SEMA6D: variants seen among roughly 807,000 people sequenced by gnomAD.
The protein encoded by SEMA6D is semaphorin 6D, also known as semaphorin-6D.
A neutral mutation model predicts 106.6 loss-of-function variants in SEMA6D; 35 were observed. The observed-to-expected ratio is 0.33, with a 90% CI of 0.25 to 0.44. The LOEUF is 0.44. SEMA6D is among the 20% of genes least tolerant of loss of function. The probability of loss-of-function intolerance (pLI) is 1.00; values close to 1 mark genes in which losing one functional copy is unlikely to be tolerated. For synonymous variants in SEMA6D, 499 were observed against 487.7 expected (o/e 1.02, Z -0.31); for missense variants, 1,185 against 1,345.9 (o/e 0.88, Z 1.87).
In SEMA6D at chr15:47,765,857, C is replaced by T; in HGVS notation, c.1428-12C>T. The T allele has an allele frequency of 6.7e-7, 1 of 1,484,486 alleles. No homozygotes were observed. Among genetic ancestry groups the T allele is most frequent in the South Asian group, 1.5e-5 (1 of 65,814 alleles). 92.0% of individuals were successfully genotyped at this position (1,484,486 alleles called of 1,614,324 possible). A position where few individuals can be genotyped will look rare whatever the true frequency, so the allele number is the denominator to read the frequency against. On this transcript the variant is annotated splice_polypyrimidine_tract_variant and intron_variant, in intron 13 of 18. Coordinates refer to ENST00000536845, the MANE Select transcript of SEMA6D (RefSeq NM_001358351.3). ...CTAAACATATGGCTTCAAAATGTAT[C>T]CCACAAAATAGGTGCAGTGCTGAGA...
intron 1 of SEMA6D, chr15:47,730,725 A>G: frequency 6.2e-7 from 1 of 1,604,926 alleles, no homozygotes; most frequent in Non-Finnish European, 8.5e-7. Flanking sequence ...TCAGCCGCTT[A>G]TAGAGTATAG....
At chr15:47,471,036 T>C (rs1418570417) in intron 3 of SEMA6D, among the ~76,000 whole-genome samples, 1 of 152,134 alleles carries the variant, frequency 6.6e-6, no homozygotes, top group Non-Finnish European at 1.5e-5. Flanking sequence ...TGCCTATAGA[T>C]GGAAATACTC....
intron 1 of SEMA6D, chr15:47,396,459 A>G (rs2040217468): frequency 6.5e-6 from 1 of 152,994 alleles, no homozygotes; most frequent in Admixed American, 6.5e-5. Flanking sequence ...TACAGCCTTC[A>G]GTCTGTGGCT....
rs150609422 is a variant in SEMA6D at position 47,297,727 on chromosome 15, T to G, written c.-239+113309T>G. ...AACACTCTAAGGCTGACTAAAATAC[T>G]GATGAGGTAGAGTTACTAAGAGTGT... On this transcript the variant is annotated intron_variant, in intron 1 of 19. Transcript: ENST00000558014. Among the ~76,000 whole-genome samples, 801 of 152,210 alleles carry G rather than the reference T, an allele frequency of 5.3e-3. 11 individuals are homozygous for G. The highest frequency in any genetic ancestry group is 0.018 in the African/African-American group (767 of 41,522).
At chr15:47,246,560 C>G (rs143836918) in intron 1 of SEMA6D, among the ~76,000 whole-genome samples, 1 of 152,178 alleles carries the variant, frequency 6.6e-6, no homozygotes, top group Non-Finnish European at 1.5e-5. Flanking sequence ...AAACTACTTA[C>G]ATTCCTTGAC....
intron 1 of SEMA6D, among the ~76,000 whole-genome samples, chr15:47,231,310 A>AACCAGCTTTTCATG (rs1339399573): frequency 6.6e-6 from 1 of 151,920 alleles, no homozygotes; most frequent in African/African-American, 2.4e-5. Flanking sequence ...AGCACACCAA[A>AACCAGCTTTTCATG]ACCAGCTTTT....
chr15:47,624,196 C>G (rs1308145969), intron 4 of SEMA6D, among the ~76,000 whole-genome samples: 2 of 152,200 alleles, frequency 1.3e-5, no homozygotes, highest in African/African-American at 4.8e-5. Flanking sequence ...TCCTTCATAT[C>G]TCACTCAGCA....
At chr15:47,759,932 C>CT in intron 2 of SEMA6D, 25 bp downstream of exon 2, 1 of 1,500,390 alleles carries the variant, frequency 6.7e-7, no homozygotes, top group Non-Finnish European at 9.3e-7. Flanking sequence ...GAACAGTCTT[C>CT]TATTCTGAGA....
At chr15:47,391,645 A>C (rs1371383812) in intron 1 of SEMA6D, among the ~76,000 whole-genome samples, 4 of 145,634 alleles carry the variant, frequency 2.7e-5, no homozygotes, top group Admixed American at 7.0e-5. Flanking sequence ...ATTTAGGGAC[A>C]GAAACAACTA....
intron 3 of SEMA6D, among the ~76,000 whole-genome samples, chr15:47,533,968 T>A (rs2045065944): frequency 6.6e-6 from 1 of 152,238 alleles, no homozygotes; most frequent in Admixed American, 6.5e-5. Context: ...TGTAAAATGT[T>A]ACTGATACAT....
chr15:47,207,561 C>G (rs566781170), intron 1 of SEMA6D, among the ~76,000 whole-genome samples: 1 of 152,274 alleles, frequency 6.6e-6, no homozygotes, highest in African/African-American at 2.4e-5. Context: ...AGGTCCAAGT[C>G]TAAGTAGTGC....
In SEMA6D at chr15:47,761,474, C is replaced by T. The variant is rs550852135; in HGVS notation, c.447+43C>T. 1.4e-5 allele frequency: 20 copies of T among 1,478,472 alleles called. No individual in the cohort carries two copies. The South Asian group carries it at 2.4e-4, about 18-fold the overall frequency. 91.6% of individuals were successfully genotyped at this position (1,478,472 alleles called of 1,614,324 possible). ...GATATGCTTCTTTTGATCAACTTTT[C>T]TCCCTTCACTGATATGCTGTTAGAG... On this transcript the variant is annotated intron_variant, in intron 6 of 18. Coordinates refer to ENST00000536845, the MANE Select transcript of SEMA6D (RefSeq NM_001358351.3).
chr15:47,263,944 C>G (rs927516873), intron 1 of SEMA6D, among the ~76,000 whole-genome samples: 2 of 150,702 alleles, frequency 1.3e-5, no homozygotes, highest in Non-Finnish European at 2.9e-5. Flanking sequence ...TGGAATCAAC[C>G]TTAATGCCCA....
At chr15:47,760,600 C>G (rs911890643) in intron 3 of SEMA6D, among the ~76,000 whole-genome samples, 185 bp downstream of exon 3, 1 of 151,972 alleles carries the variant, frequency 6.6e-6, no homozygotes, top group Non-Finnish European at 1.5e-5. Flanking sequence ...AAGCTTTCAG[C>G]GGTGCTATTT....
intron 3 of SEMA6D, among the ~76,000 whole-genome samples, chr15:47,568,890 T>C (rs1206610999): frequency 2.0e-5 from 3 of 152,068 alleles, no homozygotes; most frequent in African/African-American, 7.2e-5. Flanking sequence ...AATAATATTA[T>C]TAATATTATT....
chr15:47,509,083 C>G (rs191198879), intron 3 of SEMA6D, among the ~76,000 whole-genome samples: 2 of 152,196 alleles, frequency 1.3e-5, no homozygotes, highest in East Asian at 3.9e-4. Flanking sequence ...ACCTCTTGAG[C>G]TGAGAGAATC....
At chr15:47,256,482 A>T (rs2033808969) in intron 1 of SEMA6D, among the ~76,000 whole-genome samples, 1 of 152,370 alleles carries the variant, frequency 6.6e-6, no homozygotes, top group East Asian at 1.9e-4. Context: ...TTCAAAAATT[A>T]CAGTTTCCAT....
chr15:47,426,957 G>T (rs1442538733), intron 2 of SEMA6D, among the ~76,000 whole-genome samples: 1 of 152,142 alleles, frequency 6.6e-6, no homozygotes, highest in Non-Finnish European at 1.5e-5. Flanking sequence ...TTAAATGGTA[G>T]AAATCACATG....
rs1050979773 is a variant in SEMA6D, at chr15:47,773,446, T to C, written c.*1661T>C. 4 of 152,608 alleles carry C rather than the reference T, an allele frequency of 2.6e-5. No homozygotes were observed. Among genetic ancestry groups the C allele is most frequent in the African/African-American group, 9.6e-5 (4 of 41,456 alleles). The allele number at this position is 152,608 out of a possible 1,614,324, so 9.5% of individuals were successfully genotyped here. On this transcript the variant is annotated 3_prime_UTR_variant, in exon 19 of 19. Transcript: ENST00000536845. ...CAACCCTGCTGACTGTTTCAGTTAA[T>C]ATGCTGCACACCACACACTTGTTTA... is the stretch of plus-strand genomic sequence containing the variant.
Sources: allele counts gnomAD v4.1 joint callset (sites outside exome capture counted in the v4.1 genomes callset), GRCh38; gene constraint gnomAD v4.1.1; transcripts MANE v1.5; gene names NCBI Gene and HGNC (gene_info 2026-07-23, HGNC 2026-07-21).